KANK3: variants seen among roughly 807,000 people sequenced by gnomAD.
The protein encoded by KANK3 is KN motif and ankyrin repeat domains 3, also known as KN motif and ankyrin repeat domain-containing protein 3.
A neutral mutation model predicts 65.4 loss-of-function variants in KANK3; 61 were observed. That is an observed-to-expected ratio of 0.93 (90% CI 0.76 to 1.15). The LOEUF is 1.15. Among genes scored for constraint, KANK3 ranks in the 50% most tolerant of loss-of-function variants. The pLI is 0.00. For synonymous variants in KANK3, 586 were observed against 543.3 expected (o/e 1.08, Z -1.09); for missense variants, 1,187 against 1,178.8 (o/e 1.01, Z -0.10).
intron 1 of KANK3, among the ~76,000 whole-genome samples, chr19:8,340,994 C>T (rs145843326): frequency 4.6e-5 from 7 of 152,180 alleles, no homozygotes; most frequent in East Asian, 3.9e-4. Context: ...GGCCGTATGA[C>T]GCAATGGGGT....
chr19:8,337,448 G>T (rs566137314), intron 2 of KANK3, among the ~76,000 whole-genome samples: 1 of 151,958 alleles, frequency 6.6e-6, no homozygotes, highest in Non-Finnish European at 1.5e-5. Flanking sequence ...TGATCTGCCC[G>T]CCTCGGCCTC....
At chr19:8,337,344 C>G (rs1970659289) in intron 2 of KANK3, among the ~76,000 whole-genome samples, 1 of 151,934 alleles carries the variant, frequency 6.6e-6, no homozygotes, top group African/African-American at 2.4e-5. Flanking sequence ...GCTGGGACTA[C>G]AGGGGCACCA....
chr19:8,328,930 G>A (rs1361854660), intron 7 of KANK3, among the ~76,000 whole-genome samples: 1 of 152,116 alleles, frequency 6.6e-6, no homozygotes, highest in East Asian at 1.9e-4. Flanking sequence ...AGCACTTTGG[G>A]AGGCTGAGGT....
intron 1 of KANK3, 62 bp from the exon 2 acceptor site, chr19:8,337,918 C>T (rs1340198396): frequency 1.1e-5 from 18 of 1,594,860 alleles, no homozygotes; most frequent in Non-Finnish European, 1.7e-6. Context: ...CTGGGGCCTG[C>T]CTTTGAGTCT....
Position 8,335,110 on chromosome 19 carries a change from C to T in KANK3, c.717G>A (p.Thr239=). Residue 239 remains threonine, a synonymous_variant, in exon 3 of 11, where the codon ACG becomes ACA. Transcript: ENST00000330915. ...GCAGCTGGGCGAGCTTGTCCGGGCG[C>T]GTCTCAGCCTCCCCGTCCGGCTCGG... ...AQPEPDGEAE[T]RPDKLAQLRR... The T allele has an allele frequency of 7.8e-7, 1 of 1,279,594 alleles. No individual in the cohort carries two copies. Among genetic ancestry groups the T allele is most frequent in the South Asian group, 2.5e-5 (1 of 39,812 alleles). 79.3% of individuals were successfully genotyped at this position (1,279,594 alleles called of 1,614,324 possible).
chr19:8,328,173 G>A (rs1236641864), intron 7 of KANK3, among the ~76,000 whole-genome samples: 1 of 152,066 alleles, frequency 6.6e-6, no homozygotes, highest in South Asian at 2.1e-4. Flanking sequence ...CGCTACTTGG[G>A]AGACTGAGGA....
intron 7 of KANK3, among the ~76,000 whole-genome samples, chr19:8,329,779 T>G (rs1420643803): frequency 2.6e-5 from 4 of 152,208 alleles, no homozygotes; most frequent in Non-Finnish European, 5.9e-5. Context: ...TGGCTCACTG[T>G]CAATCTTAGG....
intron 10 of KANK3, chr19:8,323,456 C>T (rs1970361660): frequency 6.5e-6 from 1 of 153,512 alleles, no homozygotes; most frequent in Admixed American, 6.6e-5. Context: ...ATCCCAGCTA[C>T]TTGGGAGGCT....
At chr19:8,325,294 A>ATTTTTTTT (rs1970406243) in intron 7 of KANK3, among the ~76,000 whole-genome samples, 198 bp from the exon 8 acceptor site, 1 of 66,496 alleles carries the variant, frequency 1.5e-5, no homozygotes. Flanking sequence ...TTCCTGTTTC[A>ATTTTTTTT]TCTTTTTTTT....
rs776576943 is a variant in KANK3, at chr19:8,325,129, G to A, written c.1937-33C>T. 4 of 1,586,232 alleles carry A rather than the reference G, an allele frequency of 2.5e-6. No individual in the cohort carries two copies. In the Admixed American group the frequency reaches 7.0e-5, roughly 28 times the overall value. Reference sequence around the variant, plus strand: ...AGAAAAGGGGGCCGTCCACGGAGATGCCAACACCGCGGCCCGACTTGATCC... The same window carrying A: ...AGAAAAGGGGGCCGTCCACGGAGATACCAACACCGCGGCCCGACTTGATCC... On this transcript the variant is annotated intron_variant, in intron 7 of 10. Transcript: ENST00000330915.
intron 1 of KANK3, among the ~76,000 whole-genome samples, chr19:8,340,080 A>G (rs964286542): frequency 6.6e-6 from 1 of 151,468 alleles, no homozygotes; most frequent in Non-Finnish European, 1.5e-5. Flanking sequence ...GAAAGTGCCT[A>G]CGGTGTGCCC....
In KANK3 at chr19:8,325,056, C is replaced by T. The variant is rs368788058; in HGVS notation, c.1977G>A (p.Ser659=). The T allele has an allele frequency of 1.8e-5, 29 of 1,613,680 alleles. No individual in the cohort carries two copies. The highest frequency in any genetic ancestry group is 6.7e-5 in the Admixed American group (4 of 59,970). Reference sequence around the variant, plus strand: ...AGGTGAGTGCAGCCAGCATGAGGGCCGAGTAGCCGGCTCGGTTCTGGCGGT... The same window carrying T: ...AGGTGAGTGCAGCCAGCATGAGGGCTGAGTAGCCGGCTCGGTTCTGGCGGT... ...EVNRQNRAGY[S]ALMLAALTSV... is the part of the protein sequence containing the mutation. The change falls in exon 8 of 11, where the codon TCG becomes TCA. Residue 659 remains serine (S), a synonymous_variant. Coordinates refer to ENST00000330915, the MANE Select transcript of KANK3 (RefSeq NM_198471.3).
At chr19:8,332,725 G>A in intron 7 of KANK3, 1 of 163,156 alleles carries the variant, frequency 6.1e-6, no homozygotes, top group Non-Finnish European at 1.3e-5. Context: ...GCTGAGGCAG[G>A]AGAATCGCTT....
chr19:8,336,202 G>A (rs1036615084), intron 2 of KANK3, among the ~76,000 whole-genome samples: 2 of 152,198 alleles, frequency 1.3e-5, no homozygotes, highest in African/African-American at 2.4e-5. Flanking sequence ...TTGGGAGGCC[G>A]GCACAGGCGG....
intron 7 of KANK3, among the ~76,000 whole-genome samples, chr19:8,328,453 G>C (rs1482688428): frequency 6.7e-6 from 1 of 150,030 alleles, no homozygotes; most frequent in African/African-American, 2.5e-5. Context: ...ACACATTCCT[G>C]AAAGTTCTGT....
In KANK3 at chr19:8,335,474, G is replaced by C; in HGVS notation, c.353C>G (p.Pro118Arg). 8.1e-7 allele frequency: 1 copy of C among 1,236,864 alleles called. No individual in the cohort carries two copies. The highest frequency in any genetic ancestry group is 1.0e-6 in the Non-Finnish European group (1 of 986,750). The allele number at this position is 1,236,864 out of a possible 1,614,324, so 76.6% of individuals were successfully genotyped here. Residue 118 changes from proline to arginine, a missense_variant, in exon 3 of 11, where the codon CCG becomes CGG. Around this residue, in one of 3 missense-constraint regions of KANK3, gnomAD observed 1,078 missense variants for 1,038.2 expected, o/e 1.04. Transcript: ENST00000330915. ...GCGCACGGGCGCGCGCGGCGACAGC[G>C]GCTGCATCAGGAGCCCCGAGGGCGC... ...QGAPSGLLMQ[P>R]LSPRAPVRNP...
Position 8,334,004 on chromosome 19 carries a change from A to G in KANK3, c.1540T>C (p.Ser514Pro). 1 of 1,552,668 alleles carries G rather than the reference A, an allele frequency of 6.4e-7. No homozygotes were observed. The highest frequency in any genetic ancestry group is 8.7e-7 in the Non-Finnish European group (1 of 1,155,014). The change falls in exon 5 of 11, where the codon TCC becomes CCC. Residue 514 changes from serine (S) to proline (P), a missense_variant. Transcript: ENST00000330915. ...GGAGGGCCAGGGGTGCCCGAGTCGG[A>G]TCCCCCGCCGCTGTCATCCCCGGAG... ...SGSGDDSGGGSDSGTPGPPSG... is the reference protein window; with the variant it reads ...SGSGDDSGGGPDSGTPGPPSG...
intron 1 of KANK3, among the ~76,000 whole-genome samples, chr19:8,339,723 AT>A (rs1260812508): frequency 6.6e-6 from 1 of 152,098 alleles, no homozygotes; most frequent in Non-Finnish European, 1.5e-5. Flanking sequence ...CTCACAAGCC[AT>A]TGCTCTCCAG....
At chr19:8,342,663 T>C in intron 1 of KANK3, among the ~76,000 whole-genome samples, 1 of 143,638 alleles carries the variant, frequency 7.0e-6, no homozygotes, top group Non-Finnish European at 1.5e-5. Flanking sequence ...CTGCTGGGAC[T>C]CTCAGACTCT....
Sources: gnomAD v4.1 joint callset for allele counts (sites outside exome capture counted in the v4.1 genomes callset) on GRCh38, gnomAD v4.1.1 for gene constraint, gnomAD v4.1.1 regional missense constraint, MANE v1.5 for transcripts, NCBI Gene and HGNC (gene_info 2026-07-23, HGNC 2026-07-21) for gene names.